The following PRKN variants were observed in gnomAD, a reference collection of about 807,000 sequenced individuals.
PRKN encodes the protein E3 ubiquitin-protein ligase parkin.
In PRKN, 56 loss-of-function variants were observed where a neutral mutation model predicts 59.5. The ratio of observed to expected loss-of-function variants is 0.94; its 90% CI spans 0.76 to 1.18. The LOEUF is 1.18. Ranked by LOEUF, PRKN falls within the 50% of genes most tolerant of loss-of-function variation. The pLI, the probability that PRKN is intolerant of heterozygous loss-of-function variation, is 0.00. For synonymous variants in PRKN, 250 were observed against 222.1 expected (o/e 1.13, Z -1.12); for missense variants, 657 against 596.4 (o/e 1.10, Z -1.06).
chr6:161,622,942 G>A (rs1408682834), intron 7 of PRKN, among the ~76,000 whole-genome samples: 1 of 152,162 alleles, frequency 6.6e-6, no homozygotes, highest in Non-Finnish European at 1.5e-5. Flanking sequence ...TGGCTCATCT[G>A]CGTTGCTCAC....
chr6:162,065,647 T>C (rs1459297191), intron 4 of PRKN, among the ~76,000 whole-genome samples: 1 of 151,992 alleles, frequency 6.6e-6, no homozygotes, highest in Admixed American at 6.6e-5. Flanking sequence ...TGCATACAGG[T>C]GACATGTTGG....
In PRKN at chr6:162,021,164, AT is replaced by A. The variant is rs1486727472; in HGVS notation, c.618+32926del. ...TATATATATATATATATATATATATATAAAATATATGTGTATATATATTATA... is the reference window on the plus strand; with the variant it reads ...TATATATATATATATATATATATATAAAAATATATGTGTATATATATTATA... On this transcript the variant is annotated intron_variant, in intron 5 of 11. Transcript: ENST00000366898. 5.3e-4 allele frequency among the ~76,000 whole-genome samples: 17 copies of A among 32,008 alleles called. No individual in the cohort carries two copies. The East Asian group carries it at 9.0e-3, about 17-fold the overall frequency. 21.0% of individuals were successfully genotyped at this position (32,008 alleles called of 152,430 possible).
intron 5 of PRKN, among the ~76,000 whole-genome samples, chr6:162,031,766 G>T (rs990556784): frequency 5.3e-5 from 8 of 152,052 alleles, no homozygotes; most frequent in African/African-American, 1.7e-4. Context: ...CTGACCTCAG[G>T]TGATCCACCC....
At chr6:162,144,421 C>T (rs935407585) in intron 4 of PRKN, among the ~76,000 whole-genome samples, 1 of 152,112 alleles carries the variant, frequency 6.6e-6, no homozygotes, top group African/African-American at 2.4e-5. Flanking sequence ...TTATAATACC[C>T]TTGTAAGAAA....
At chr6:162,091,583 C>T (rs1468718128) in intron 4 of PRKN, among the ~76,000 whole-genome samples, 1 of 152,168 alleles carries the variant, frequency 6.6e-6, no homozygotes, top group Non-Finnish European at 1.5e-5. Context: ...ATCACAAGGA[C>T]AGGTGAACTC....
At chr6:162,205,798 A>G (rs541838540) in intron 3 of PRKN, among the ~76,000 whole-genome samples, 1 of 152,182 alleles carries the variant, frequency 6.6e-6, no homozygotes, top group African/African-American at 2.4e-5. Context: ...ACAACTACCT[A>G]TGGAGAACTT....
intron 7 of PRKN, among the ~76,000 whole-genome samples, chr6:161,756,607 T>TC (rs992640990): frequency 2.0e-5 from 3 of 152,080 alleles, no homozygotes; most frequent in African/African-American, 4.8e-5. Context: ...CCCTACCTCC[T>TC]CTTTTTTCTT....
intron 4 of PRKN, among the ~76,000 whole-genome samples, chr6:162,112,975 C>G (rs546805531): frequency 6.6e-6 from 1 of 152,104 alleles, no homozygotes; most frequent in South Asian, 2.1e-4. Context: ...TCTCAGAGAA[C>G]TGATTCACCG....
chr6:162,175,833 G>A (rs1783505494), intron 4 of PRKN, among the ~76,000 whole-genome samples: 1 of 152,126 alleles, frequency 6.6e-6, no homozygotes, highest in South Asian at 2.1e-4. Flanking sequence ...GCAGTCTAAG[G>A]GCTGTTGTCT....
intron 8 of PRKN, among the ~76,000 whole-genome samples, chr6:161,558,070 G>A (rs762538026): frequency 3.3e-5 from 5 of 152,148 alleles, no homozygotes; most frequent in Admixed American, 6.5e-5. Flanking sequence ...CCACGGCACC[G>A]ACACTTTGCT....
intron 6 of PRKN, among the ~76,000 whole-genome samples, chr6:161,911,408 C>T (rs1778355547): frequency 6.6e-6 from 1 of 152,162 alleles, no homozygotes; most frequent in Non-Finnish European, 1.5e-5. Flanking sequence ...AGCTTAAACC[C>T]CCTTCCCACA....
intron 4 of PRKN, among the ~76,000 whole-genome samples, chr6:162,092,665 T>C (rs1201930423): frequency 1.3e-5 from 2 of 152,242 alleles, no homozygotes; most frequent in Non-Finnish European, 2.9e-5. Flanking sequence ...ATCATCATTA[T>C]CTGCTGTTTT....
intron 1 of PRKN, among the ~76,000 whole-genome samples, chr6:162,451,696 A>C (rs1289542103): frequency 6.6e-6 from 1 of 152,206 alleles, no homozygotes; most frequent in Non-Finnish European, 1.5e-5. Flanking sequence ...AGCATTAGTG[A>C]AGAATAAAGA....
intron 7 of PRKN, among the ~76,000 whole-genome samples, chr6:161,721,283 A>T (rs917104011): frequency 6.6e-6 from 1 of 152,238 alleles, no homozygotes; most frequent in African/African-American, 2.4e-5. Flanking sequence ...TTTCATTAGA[A>T]TATGCAGAAT....
intron 6 of PRKN, among the ~76,000 whole-genome samples, chr6:161,833,755 C>A (rs1008346075): frequency 3.9e-5 from 6 of 152,116 alleles, no homozygotes; most frequent in Non-Finnish European, 7.3e-5. Flanking sequence ...GAGGCTAGCA[C>A]CCACGACAGT....
intron 1 of PRKN, among the ~76,000 whole-genome samples, chr6:162,564,961 T>C (rs1779998729): frequency 6.6e-6 from 1 of 151,042 alleles, no homozygotes; most frequent in Non-Finnish European, 1.5e-5. Flanking sequence ...AAACCTAGAA[T>C]ATTATAACAG....
At chr6:162,321,796 A>G (rs1783035165) in intron 2 of PRKN, among the ~76,000 whole-genome samples, 1 of 151,996 alleles carries the variant, frequency 6.6e-6, no homozygotes, top group Non-Finnish European at 1.5e-5. Flanking sequence ...CATCTGACAA[A>G]AATCTGAAGT....
intron 3 of PRKN, among the ~76,000 whole-genome samples, chr6:162,226,345 C>G (rs1778180797): frequency 6.6e-6 from 1 of 152,110 alleles, no homozygotes; most frequent in South Asian, 2.1e-4. Context: ...TGCACCCCTT[C>G]CTGGGTGCTG....
At chr6:161,763,410 C>G (rs564328497) in intron 7 of PRKN, among the ~76,000 whole-genome samples, 1 of 151,836 alleles carries the variant, frequency 6.6e-6, no homozygotes, top group South Asian at 2.1e-4. Flanking sequence ...TGATAGTAAC[C>G]CCCTCCTCTC....
Sources: allele counts gnomAD v4.1 joint callset (sites outside exome capture counted in the v4.1 genomes callset), GRCh38; gene constraint gnomAD v4.1.1; transcripts MANE v1.5; gene names NCBI Gene and HGNC (gene_info 2026-07-23, HGNC 2026-07-21).